NAV3: variants seen among roughly 807,000 people sequenced by gnomAD.
NAV3 encodes pore membrane and/or filament interacting like protein 1.
In NAV3, 87 loss-of-function variants were observed where a neutral mutation model predicts 244.7. The ratio of observed to expected loss-of-function variants is 0.36; its 90% confidence interval spans 0.30 to 0.42. NAV3 has a LOEUF of 0.42. Ranked by LOEUF, NAV3 falls within the 20% of genes least tolerant of loss-of-function variation. The pLI is 1.00. For missense variants in NAV3, 2,663 were observed against 2,893.3 expected (o/e 0.92, Z 1.83); for synonymous variants, 1,126 against 1,042.2 (o/e 1.08, Z -1.55).
intron 31 of NAV3, 128 bp from the exon 32 acceptor site, chr12:78,188,120 T>C (rs1593970161): frequency 1.5e-6 from 1 of 671,764 alleles, no homozygotes. Flanking sequence ...TCTGTTACTA[T>C]AGAAGCCACA....
At chr12:77,996,025 G>A (rs574427168) in intron 6 of NAV3, among the ~76,000 whole-genome samples, 6 of 152,078 alleles carry the variant, frequency 3.9e-5, no homozygotes, top group Non-Finnish European at 7.4e-5. Flanking sequence ...AAGAGCAAAT[G>A]TATTTTTACA....
intron 2 of NAV3, among the ~76,000 whole-genome samples, chr12:77,774,843 G>A (rs1270105131): frequency 1.3e-5 from 2 of 152,120 alleles, no homozygotes; most frequent in Admixed American, 6.5e-5. Flanking sequence ...TAATTGTACT[G>A]TGAATTCAAC....
chr12:77,896,656 A>G (rs953301390), intron 1 of NAV3, among the ~76,000 whole-genome samples: 1 of 152,194 alleles, frequency 6.6e-6, no homozygotes, highest in Non-Finnish European at 1.5e-5. Flanking sequence ...CTCTGCCTCT[A>G]TCAGGGATTT....
chr12:77,669,673 C>G (rs1873874046), intron 2 of NAV3, among the ~76,000 whole-genome samples: 1 of 152,026 alleles, frequency 6.6e-6, no homozygotes, highest in Admixed American at 6.6e-5. Flanking sequence ...TATATATGCA[C>G]CTAACACTAG....
At chr12:77,916,152 A>C (rs4576866) in intron 1 of NAV3, among the ~76,000 whole-genome samples, 54,688 of 151,930 alleles carry the variant, frequency 0.36, 10,714 homozygotes, top group East Asian at 0.46. Flanking sequence ...GAGCATTATG[A>C]GTAAAGGGAA....
intron 8 of NAV3, among the ~76,000 whole-genome samples, chr12:78,012,482 G>A (rs1473283708): frequency 6.6e-6 from 1 of 151,968 alleles, no homozygotes; most frequent in Non-Finnish European, 1.5e-5. Context: ...CAGGTTCTAA[G>A]TAATCTAATA....
intron 21 of NAV3, among the ~76,000 whole-genome samples, 198 bp downstream of exon 21, chr12:78,146,590 C>A (rs1956873954): frequency 1.3e-5 from 2 of 152,100 alleles, no homozygotes; most frequent in Non-Finnish European, 2.9e-5. Flanking sequence ...GTATAGCAAG[C>A]TGTCCTTTCA....
intron 26 of NAV3, 96 bp from the exon 27 acceptor site, chr12:78,177,045 G>T: frequency 8.3e-7 from 1 of 1,200,994 alleles, no homozygotes. Flanking sequence ...ACTGACCCCA[G>T]GCAGTGGCTA....
At chr12:77,920,792 G>A (rs1887637271) in intron 1 of NAV3, among the ~76,000 whole-genome samples, 1 of 152,038 alleles carries the variant, frequency 6.6e-6, no homozygotes, top group East Asian at 1.9e-4. Flanking sequence ...TTACTCTGCA[G>A]ATGCCTCTTG....
chr12:77,876,911 C>T (rs190506195), intron 1 of NAV3, among the ~76,000 whole-genome samples: 96 of 152,028 alleles, frequency 6.3e-4, no homozygotes, highest in Admixed American at 3.9e-3. Context: ...TGTGAATTAT[C>T]GGTATATATT....
chr12:77,771,935 A>T (rs1357997167), intron 2 of NAV3, among the ~76,000 whole-genome samples: 1 of 152,184 alleles, frequency 6.6e-6, no homozygotes, highest in African/African-American at 2.4e-5. Flanking sequence ...ATTAAAAAAA[A>T]ATGTAACCAT....
At chr12:77,696,654 A>T (rs547505074) in intron 2 of NAV3, among the ~76,000 whole-genome samples, 1 of 152,184 alleles carries the variant, frequency 6.6e-6, no homozygotes, top group Non-Finnish European at 1.5e-5. Flanking sequence ...AAGCTGCCAC[A>T]TATAACTAAT....
chr12:78,135,168 T>C (rs1956320444), intron 18 of NAV3, among the ~76,000 whole-genome samples: 1 of 152,228 alleles, frequency 6.6e-6, no homozygotes. Context: ...TCTTCTACTG[T>C]ATAGTTTTTC....
intron 2 of NAV3, among the ~76,000 whole-genome samples, chr12:77,768,483 T>C (rs1414646797): frequency 5.9e-5 from 9 of 152,178 alleles, no homozygotes. Flanking sequence ...ACCCAAAGAC[T>C]GGAGGGGGCT....
At chr12:78,175,526 G>C (rs1958183276) in intron 25 of NAV3, 99 bp downstream of exon 25, 1 of 1,463,264 alleles carries the variant, frequency 6.8e-7, no homozygotes, top group Admixed American at 1.9e-5. Context: ...GTTTACAAAG[G>C]GTCCCATTCA....
intron 2 of NAV3, among the ~76,000 whole-genome samples, chr12:77,656,655 A>AT (rs1362228978): frequency 9.3e-5 from 13 of 139,474 alleles, no homozygotes; most frequent in Non-Finnish European, 2.0e-4. Context: ...CAGAATATAC[A>AT]TTTTTTTCAG....
chr12:77,720,851 A>C (rs1876593698), intron 2 of NAV3, among the ~76,000 whole-genome samples: 1 of 152,104 alleles, frequency 6.6e-6, no homozygotes, highest in Non-Finnish European at 1.5e-5. Context: ...CATGGAGGGA[A>C]GGAGGGTCTG....
chr12:78,102,745 C>A (rs2138234139), intron 12 of NAV3, among the ~76,000 whole-genome samples: 1 of 152,324 alleles, frequency 6.6e-6, no homozygotes. Context: ...TGTGCACCTG[C>A]AGGCTCTCTA....
chr12:77,735,744 C>A (rs1486773293), intron 2 of NAV3, among the ~76,000 whole-genome samples: 4 of 152,120 alleles, frequency 2.6e-5, no homozygotes, highest in Non-Finnish European at 5.9e-5. Flanking sequence ...CATAGAAATG[C>A]CCATTGCTTG....
Sources: gnomAD v4.1 joint callset for allele counts (sites outside exome capture counted in the v4.1 genomes callset) on GRCh38, gnomAD v4.1.1 for gene constraint, MANE v1.5 for transcripts, NCBI Gene and HGNC (gene_info 2026-07-23, HGNC 2026-07-21) for gene names.